The following ATP2B2 variants were observed in gnomAD, a reference collection of about 807,000 sequenced individuals.
ATP2B2 encodes the protein ATPase plasma membrane Ca2+ transporting 2.
Under a neutral mutation model 120.0 loss-of-function variants are expected in ATP2B2, and 15 were observed. The observed-to-expected ratio is 0.12, with a 90% CI of 0.08 to 0.19. The LOEUF is 0.19. ATP2B2 is among the 10% of genes least tolerant of loss of function. The pLI is 1.00. For missense variants in ATP2B2, 1,045 were observed against 1,719.8 expected, an observed-to-expected ratio of 0.61 and a Z score of 6.94; for synonymous variants, 694 against 700.3, an observed-to-expected ratio of 0.99 and a Z score of 0.14.
At chr3:10,448,996 C>G (rs1319548682) in intron 2 of ATP2B2, among the ~76,000 whole-genome samples, 21 of 152,234 alleles carry the variant, frequency 1.4e-4, no homozygotes, top group Admixed American at 1.4e-3. Context: ...CCCAGTGGCC[C>G]TTCTGCCTCT....
chr3:10,513,614 TG>T (rs1315891878), intron 3 of ATP2B2, among the ~76,000 whole-genome samples: 1 of 152,118 alleles, frequency 6.6e-6, no homozygotes, highest in Non-Finnish European at 1.5e-5. Flanking sequence ...TGCTGTGATC[TG>T]GGGTGGACTC....
rs1191009070 is a variant in ATP2B2, at chr3:10,449,296, A to G, written c.199+49T>C. 7 of 1,600,028 alleles carry G rather than the reference A, an allele frequency of 4.4e-6. No homozygotes were observed. In the African/African-American group the frequency reaches 6.7e-5, roughly 15 times the overall value. The stretch of plus-strand genomic sequence containing the variant: ...AATATGGTCCCTGTGGCCAATTCAG[A>G]TGGTGGCCACCTAGGCTGCAGCCCT... On this transcript the variant is annotated intron_variant, in intron 2 of 22. Transcript: ENST00000360273.
At chr3:10,530,387 C>T (rs1402895296) in intron 3 of ATP2B2, among the ~76,000 whole-genome samples, 1 of 152,236 alleles carries the variant, frequency 6.6e-6, no homozygotes, top group Non-Finnish European at 1.5e-5. Flanking sequence ...GACTGCACAG[C>T]CGGGACCTGC....
intron 12 of ATP2B2, among the ~76,000 whole-genome samples, chr3:10,367,975 G>C (rs2061115123): frequency 6.6e-6 from 1 of 152,226 alleles, no homozygotes; most frequent in Non-Finnish European, 1.5e-5. Context: ...GCTGGGATAT[G>C]AACCTGGTCT....
chr3:10,356,607 G>A (rs185716766), intron 14 of ATP2B2, among the ~76,000 whole-genome samples: 43 of 152,328 alleles, frequency 2.8e-4, no homozygotes, highest in Non-Finnish European at 5.3e-4. Context: ...TCCAAGGCAG[G>A]GTGGTGAGCC....
chr3:10,378,436 C>T (rs763798081), intron 9 of ATP2B2, 26 bp from the exon 10 acceptor site: 1 of 1,599,462 alleles, frequency 6.3e-7, no homozygotes, highest in Non-Finnish European at 8.5e-7. Flanking sequence ...CACGCACGTG[C>T]ATACACACAG....
chr3:10,637,900 GA>G (rs949684070), intron 1 of ATP2B2, among the ~76,000 whole-genome samples: 39 of 144,924 alleles, frequency 2.7e-4, no homozygotes, highest in Non-Finnish European at 5.3e-4. Flanking sequence ...GAAGCAGCCA[GA>G]AAAAAAAAAG....
intron 1 of ATP2B2, among the ~76,000 whole-genome samples, chr3:10,456,760 C>T (rs1160584152): frequency 6.6e-6 from 1 of 152,222 alleles, no homozygotes; most frequent in Non-Finnish European, 1.5e-5. Flanking sequence ...GCTAGTTTCC[C>T]TTCTGTTCTG....
At chr3:10,540,447 T>C (rs2067410318) in intron 2 of ATP2B2, among the ~76,000 whole-genome samples, 1 of 152,140 alleles carries the variant, frequency 6.6e-6, no homozygotes, top group Admixed American at 6.5e-5. Flanking sequence ...GTATTCACAA[T>C]ATCAAAGACT....
chr3:10,405,662 G>A (rs1210740105), intron 3 of ATP2B2, among the ~76,000 whole-genome samples: 4 of 152,264 alleles, frequency 2.6e-5, no homozygotes, highest in African/African-American at 9.6e-5. Flanking sequence ...TGCTCTTCCT[G>A]GACCTGCGGC....
intron 12 of ATP2B2, among the ~76,000 whole-genome samples, chr3:10,371,258 G>A (rs899855390): frequency 1.3e-5 from 2 of 152,250 alleles, no homozygotes; most frequent in African/African-American, 4.8e-5. Flanking sequence ...ATGTGAACAA[G>A]CCCAGGCTAG....
intron 3 of ATP2B2, among the ~76,000 whole-genome samples, chr3:10,527,995 A>G (rs954193475): frequency 6.6e-6 from 1 of 152,072 alleles, no homozygotes; most frequent in Non-Finnish European, 1.5e-5. Context: ...GCTGGCCACT[A>G]AGGTCTGTGG....
At chr3:10,506,120 G>C (rs1224103969), upstream of ATP2B2, among the ~76,000 whole-genome samples, 1 of 152,228 alleles carries the variant, frequency 6.6e-6, no homozygotes, top group East Asian at 1.9e-4. Context: ...AGACCTGGGG[G>C]GCAAAGGGGC....
chr3:10,397,198 G>A (rs1370616614), intron 5 of ATP2B2, among the ~76,000 whole-genome samples: 1 of 152,280 alleles, frequency 6.6e-6, no homozygotes, highest in South Asian at 2.1e-4. Flanking sequence ...AGGGCCCAGG[G>A]GTGAGCTGGG....
chr3:10,378,124 G>T, intron 10 of ATP2B2, 128 bp downstream of exon 10: 2 of 1,288,770 alleles, frequency 1.6e-6, no homozygotes, highest in Non-Finnish European at 1.0e-6. Flanking sequence ...GTAGAGAAAG[G>T]TGGGCTTCAG....
At position 10,350,403 on chromosome 3, in the gene ATP2B2, C is replaced by A; in HGVS notation, c.2311G>T (p.Gly771Trp). 1.9e-6 allele frequency: 3 copies of A among 1,614,238 alleles called. No individual in the cohort carries two copies. Among genetic ancestry groups the A allele is most frequent in the Non-Finnish European group, 2.5e-6 (3 of 1,180,036 alleles). The stretch of plus-strand genomic sequence containing the variant: ...CTTTACGTTGGGACACGCACCTCCC[C>A]CTTCTCGTTGCGGATCCTCCTGTTG... ...EFNRRIRNEKGEIEQERIDKI... is the reference protein window; with the variant it reads ...EFNRRIRNEKWEIEQERIDKI... The change falls in exon 15 of 23, where the codon GGG becomes TGG. Residue 771 changes from glycine (G) to tryptophan (W), a missense_variant. Transcript: ENST00000360273.
At chr3:10,677,448 G>A (rs917177642) in intron 1 of ATP2B2, among the ~76,000 whole-genome samples, 1 of 152,160 alleles carries the variant, frequency 6.6e-6, no homozygotes, top group Non-Finnish European at 1.5e-5. Flanking sequence ...TTGGGGCAGT[G>A]AACCTACTCT....
chr3:10,454,480 C>T (rs1335602404), intron 1 of ATP2B2, among the ~76,000 whole-genome samples: 1 of 152,216 alleles, frequency 6.6e-6, no homozygotes. Flanking sequence ...AGAACTCCAC[C>T]CTGAAGGCGA....
In ATP2B2 at chr3:10,632,558, G is replaced by A. The variant is rs558763541; in HGVS notation, c.-459-12597C>T. On this transcript the variant is annotated intron_variant, in intron 1 of 21. Transcript: ENST00000646379. ...ACAAATTTCTGGTGAAACGCTCTGAGACAAAGTTAATGACTGTGGCAAGCT... is the reference window on the plus strand; with the variant it reads ...ACAAATTTCTGGTGAAACGCTCTGAAACAAAGTTAATGACTGTGGCAAGCT... Among the ~76,000 whole-genome samples the A allele has an allele frequency of 5.8e-4, 88 of 152,368 alleles. 2 individuals are homozygous for A. The South Asian group carries it at 0.017, about 29-fold the overall frequency.
Sources: gnomAD v4.1 joint callset for allele counts (sites outside exome capture counted in the v4.1 genomes callset) on GRCh38, gnomAD v4.1.1 for gene constraint, MANE v1.5 for transcripts, NCBI Gene and HGNC (gene_info 2026-07-23, HGNC 2026-07-21) for gene names.